The following KDM5A variants were observed in gnomAD, a reference collection of about 807,000 sequenced individuals.
KDM5A encodes the protein lysine demethylase 5A.
KDM5A carries 42 observed loss-of-function variants against 193.5 expected under a neutral mutation model. The ratio of observed to expected loss-of-function variants is 0.22; its 90% CI spans 0.17 to 0.28. The LOEUF is 0.28. Among genes scored for constraint, KDM5A ranks in the 10% least tolerant of loss-of-function variants. The pLI, the probability that KDM5A is intolerant of heterozygous loss-of-function variation, is 1.00. For missense variants in KDM5A, 1,692 were observed against 2,055.1 expected (o/e 0.82, Z 3.42); for synonymous variants, 796 against 718.1 (o/e 1.11, Z -1.73).
intron 8 of KDM5A, among the ~76,000 whole-genome samples, chr12:353,737 A>G (rs1421756117): frequency 1.3e-5 from 2 of 152,132 alleles, no homozygotes; most frequent in Non-Finnish European, 1.5e-5. Context: ...CCTGGCCAAC[A>G]TGGTGAAACC....
chr12:363,881 T>C (rs78860754), intron 4 of KDM5A, among the ~76,000 whole-genome samples: 1,537 of 152,090 alleles, frequency 0.01, 17 homozygotes, highest in African/African-American at 0.034. Flanking sequence ...ACAAACTGTA[T>C]AACAAATTCA....
At chr12:353,370 G>A (rs561496118) in intron 8 of KDM5A, among the ~76,000 whole-genome samples, 18 of 152,114 alleles carry the variant, frequency 1.2e-4, no homozygotes, top group African/African-American at 4.1e-4. Context: ...AAAAGATACC[G>A]TCAGTTTATT....
intron 16 of KDM5A, 36 bp from the exon 17 acceptor site, chr12:322,603 C>T (rs1388095665): frequency 6.3e-7 from 1 of 1,581,680 alleles, no homozygotes; most frequent in Admixed American, 1.7e-5. Context: ...TATACAATAA[C>T]CATAGACACA....
chr12:318,986 C>T (rs1227640903), intron 18 of KDM5A, among the ~76,000 whole-genome samples: 2 of 152,130 alleles, frequency 1.3e-5, no homozygotes, highest in African/African-American at 2.4e-5. Flanking sequence ...GAAGGAAGAA[C>T]GGTTCGGGCA....
At chr12:329,610 A>G (rs1404269582) in intron 13 of KDM5A, among the ~76,000 whole-genome samples, 2 of 152,160 alleles carry the variant, frequency 1.3e-5, no homozygotes, top group African/African-American at 4.8e-5. Context: ...GCATCTAGAA[A>G]TTATTTTAAA....
intron 19 of KDM5A, among the ~76,000 whole-genome samples, chr12:316,314 T>C (rs1478376205): frequency 6.6e-6 from 1 of 152,176 alleles, no homozygotes; most frequent in African/African-American, 2.4e-5. Context: ...GAACGGTAGC[T>C]CCATGAAAGC....
At chr12:353,484 T>C (rs1944188749) in intron 8 of KDM5A, among the ~76,000 whole-genome samples, 1 of 152,240 alleles carries the variant, frequency 6.6e-6, no homozygotes. Flanking sequence ...ATTTTTATTG[T>C]TGCCCAGCAA....
intron 5 of KDM5A, 46 bp from the exon 6 acceptor site, chr12:356,583 T>C (rs201409641): frequency 6.6e-6 from 8 of 1,219,976 alleles, no homozygotes; most frequent in Non-Finnish European, 8.5e-6. Context: ...TGCTGATTCA[T>C]GCATTAATTT....
At chr12:357,555 C>T (rs1181559908) in intron 5 of KDM5A, among the ~76,000 whole-genome samples, 1 of 151,474 alleles carries the variant, frequency 6.6e-6, no homozygotes, top group Non-Finnish European at 1.5e-5. Context: ...GGAGGCTGGG[C>T]ACGGTGGCTC....
At position 355,146 on chromosome 12, in the gene KDM5A, C is replaced by T; in HGVS notation, c.870+12G>A. On this transcript the variant is annotated intron_variant, in intron 7 of 27. Coordinates refer to ENST00000399788, the MANE Select transcript of KDM5A (RefSeq NM_001042603.3). ...AAATCCTTTCCCTCCTGACAGACCC[C>T]AAAACACTTACAAAGTTAACAGAGA... 5 of 1,525,528 alleles carry T rather than the reference C, an allele frequency of 3.3e-6. No homozygotes were observed. Among genetic ancestry groups the T allele is most frequent in the Non-Finnish European group, 4.5e-6 (5 of 1,099,210 alleles). The allele number at this position is 1,525,528 out of a possible 1,614,324, so 94.5% of individuals were successfully genotyped here.
rs775280239 is a variant in KDM5A, at chr12:306,972, G to T, written c.4048C>A (p.Arg1350=). 1 of 1,613,110 alleles carries T rather than the reference G, an allele frequency of 6.2e-7. No individual in the cohort carries two copies. The highest frequency in any genetic ancestry group is 8.5e-7 in the Non-Finnish European group (1 of 1,179,896). The change falls in exon 24 of 28, where the codon CGA becomes AGA. Residue 1350 remains arginine (R), a synonymous_variant. Transcript: ENST00000399788. ...DEETDSDEDI[R]ETYGYDMKDT... ...TTCATGTCGTAGCCATATGTCTCTC[G>T]AATGTCTTCATCAGAGTCTGTTTCT...
intron 3 of KDM5A, among the ~76,000 whole-genome samples, chr12:372,207 GATA>G (rs1220065467): frequency 6.6e-6 from 1 of 152,144 alleles, no homozygotes; most frequent in Non-Finnish European, 1.5e-5. Context: ...CCATTTTCAC[GATA>G]ATGATTCTTC....
chr12:301,267 C>T (rs765776160), intron 24 of KDM5A, among the ~76,000 whole-genome samples: 2 of 152,078 alleles, frequency 1.3e-5, no homozygotes, highest in Non-Finnish European at 2.9e-5. Flanking sequence ...AACATCGATG[C>T]AAAAATCCTC....
At position 333,696 on chromosome 12, in the gene KDM5A, G is replaced by A. The variant is rs754444373; in HGVS notation, c.1491-47C>T. On this transcript the variant is annotated intron_variant, in intron 11 of 27. Coordinates refer to ENST00000399788, the MANE Select transcript of KDM5A (RefSeq NM_001042603.3). ...TAGCTAGGCAGAACATGGTACCAATGAGGCTAGGGTATCTGATTCCAATCC... is the reference window on the plus strand; with the variant it reads ...TAGCTAGGCAGAACATGGTACCAATAAGGCTAGGGTATCTGATTCCAATCC... 4 of 1,546,120 alleles carry A rather than the reference G, an allele frequency of 2.6e-6. No homozygotes were observed. In the South Asian group the frequency reaches 4.5e-5, roughly 17 times the overall value.
rs529769559 is a variant in KDM5A, at chr12:339,165, C to T, written c.1309-4743G>A. Among the ~76,000 whole-genome samples, 60 of 138,690 alleles carry T rather than the reference C, an allele frequency of 4.3e-4. 1 individual carries two copies. Among genetic ancestry groups the T allele is most frequent in the Non-Finnish European group, 8.5e-4 (55 of 65,070 alleles). 91.0% of individuals were successfully genotyped at this position (138,690 alleles called of 152,430 possible). ...TGCACTCCAGCCTGGGCAACAAGAG[C>T]GAAACCCCATCTCAAAAAAAAAAAA... On this transcript the variant is annotated intron_variant, in intron 10 of 27. Coordinates refer to ENST00000399788, the MANE Select transcript of KDM5A (RefSeq NM_001042603.3).
intron 5 of KDM5A, among the ~76,000 whole-genome samples, chr12:361,999 G>C (rs2137465376): frequency 6.6e-6 from 1 of 152,296 alleles, no homozygotes; most frequent in South Asian, 2.1e-4. Flanking sequence ...CACAACCCCA[G>C]ATTCAGTGTC....
At chr12:291,042 TAACA>T (rs1289146388) in intron 27 of KDM5A, among the ~76,000 whole-genome samples, 8 of 152,282 alleles carry the variant, frequency 5.3e-5, no homozygotes, top group Admixed American at 2.0e-4. Flanking sequence ...TCAGCCTCTT[TAACA>T]AACAAACTCA....
chr12:289,366 T>A (rs565228457), intron 27 of KDM5A, among the ~76,000 whole-genome samples: 1 of 152,262 alleles, frequency 6.6e-6, no homozygotes, highest in Non-Finnish European at 1.5e-5. Context: ...TCAAAATTAA[T>A]TTTTTAAAAA....
rs943164207 is a variant in KDM5A, at chr12:284,141, A to T, written c.*1315T>A. ...AAGAAGGAATGGGATTTTTTTTTTT[A>T]AAGCAAAAAAGAAAAAGCAAGCCCC... On this transcript the variant is annotated 3_prime_UTR_variant, in exon 28 of 28. Coordinates refer to ENST00000399788, the MANE Select transcript of KDM5A (RefSeq NM_001042603.3). 4.0e-4 allele frequency: 88 copies of T among 221,882 alleles called. No homozygotes were observed. The highest frequency in any genetic ancestry group is 1.3e-3 in the Middle Eastern group (1 of 748). 13.7% of individuals were successfully genotyped at this position (221,882 alleles called of 1,614,324 possible).
Sources: gnomAD v4.1 joint callset for allele counts (sites outside exome capture counted in the v4.1 genomes callset) on GRCh38, gnomAD v4.1.1 for gene constraint, MANE v1.5 for transcripts, NCBI Gene and HGNC (gene_info 2026-07-23, HGNC 2026-07-21) for gene names.